The following BCL11B variants were observed in gnomAD, a reference collection of about 807,000 sequenced individuals.
The protein encoded by BCL11B is BCL11 transcription factor B.
In BCL11B, 8 loss-of-function variants were observed where a neutral mutation model predicts 49.9. That is an observed-to-expected ratio of 0.16 (90% CI 0.09 to 0.29). The LOEUF (loss-of-function observed/expected upper bound fraction) is 0.29, where lower values mean the gene tolerates loss of function less well. BCL11B is among the 10% of genes least tolerant of loss of function. The pLI, the probability that BCL11B is intolerant of heterozygous loss-of-function variation, is 1.00. For synonymous variants in BCL11B, 739 were observed against 637.4 expected, an observed-to-expected ratio of 1.16 and a Z score of -2.40; for missense variants, 1,006 against 1,351.0, an observed-to-expected ratio of 0.74 and a Z score of 4.00.
intron 3 of BCL11B, among the ~76,000 whole-genome samples, chr14:99,225,192 T>C (rs1888124396): frequency 6.6e-6 from 1 of 152,262 alleles, no homozygotes; most frequent in Admixed American, 6.5e-5. Context: ...AGAGGTAGTA[T>C]GGCCTAGTGG....
intron 3 of BCL11B, among the ~76,000 whole-genome samples, chr14:99,182,118 T>C (rs1418908878): frequency 6.6e-6 from 1 of 152,206 alleles, no homozygotes; most frequent in Non-Finnish European, 1.5e-5. Flanking sequence ...TCCAAATGTA[T>C]TCCGTGAAAC....
At chr14:99,267,957 C>G (rs528027965) in intron 1 of BCL11B, among the ~76,000 whole-genome samples, 3 of 152,316 alleles carry the variant, frequency 2.0e-5, no homozygotes, top group African/African-American at 7.2e-5. Flanking sequence ...TTTAAGTACT[C>G]TTCCCTTCAC....
intron 3 of BCL11B, among the ~76,000 whole-genome samples, chr14:99,215,642 G>GATT (rs1887812665): frequency 6.6e-6 from 1 of 152,198 alleles, no homozygotes; most frequent in Admixed American, 6.5e-5. Flanking sequence ...ACAGAACACT[G>GATT]ATTCCAGGTA....
chr14:99,267,918 C>T (rs1889533663), intron 1 of BCL11B, among the ~76,000 whole-genome samples: 1 of 152,178 alleles, frequency 6.6e-6, no homozygotes, highest in East Asian at 1.9e-4. Flanking sequence ...TCCTTGGTCT[C>T]TTCAGAAAGC....
intron 3 of BCL11B, among the ~76,000 whole-genome samples, chr14:99,226,028 G>A (rs986342568): frequency 1.1e-4 from 17 of 152,240 alleles, no homozygotes; most frequent in Non-Finnish European, 1.3e-4. Context: ...ACCTCAAGAA[G>A]CAGGCAGGTG....
intron 1 of BCL11B, among the ~76,000 whole-genome samples, chr14:99,258,352 G>A (rs1008473443): frequency 2.0e-5 from 3 of 152,186 alleles, no homozygotes; most frequent in East Asian, 1.9e-4. Context: ...AGCCAGGGCC[G>A]AGAACCAGTG....
intron 3 of BCL11B, among the ~76,000 whole-genome samples, chr14:99,229,372 C>T (rs1322313122): frequency 6.6e-6 from 1 of 152,178 alleles, no homozygotes; most frequent in Non-Finnish European, 1.5e-5. Flanking sequence ...CAGAGCCCCC[C>T]AGAGCCAAGG....
intron 1 of BCL11B, among the ~76,000 whole-genome samples, chr14:99,270,129 G>C (rs1215228682): frequency 6.6e-6 from 1 of 151,988 alleles, no homozygotes; most frequent in Non-Finnish European, 1.5e-5. Flanking sequence ...CAGGGACGGT[G>C]GAAGCTGCTG....
chr14:99,235,185 G>A (rs1003298140), intron 2 of BCL11B, among the ~76,000 whole-genome samples: 16 of 152,206 alleles, frequency 1.1e-4, no homozygotes, highest in African/African-American at 3.6e-4. Flanking sequence ...CCTCCCAAAT[G>A]GGAGGATTAC....
chr14:99,200,495 C>T (rs1184442295), intron 3 of BCL11B, among the ~76,000 whole-genome samples: 1 of 152,246 alleles, frequency 6.6e-6, no homozygotes, highest in African/African-American at 2.4e-5. Flanking sequence ...TGGAAGCCCT[C>T]CAACCACGAC....
intron 1 of BCL11B, 42 bp downstream of exon 1, chr14:99,271,119 G>T: frequency 6.6e-7 from 1 of 1,517,164 alleles, no homozygotes; most frequent in Non-Finnish European, 8.8e-7. Context: ...GACGCCCGGA[G>T]CCCCATCTCC....
intron 3 of BCL11B, among the ~76,000 whole-genome samples, chr14:99,217,606 C>A (rs1287485710): frequency 1.3e-5 from 2 of 152,320 alleles, no homozygotes; most frequent in East Asian, 1.9e-4. Flanking sequence ...CCAGGGGGAA[C>A]CCCCACCCCC....
rs1208048221 is a variant in BCL11B at position 99,169,335 on chromosome 14, GAACA to G, written c.*4812_*4815del. On this transcript the variant is annotated 3_prime_UTR_variant, in exon 4 of 4. Coordinates refer to ENST00000357195, the MANE Select transcript of BCL11B (RefSeq NM_138576.4). ...AATTTATTTTTATAACTTGAAACCAGAACAAACTTGGTTTTGAACAAGCGTACAA... is the reference window on the plus strand; with the variant it reads ...AATTTATTTTTATAACTTGAAACCAGAACTTGGTTTTGAACAAGCGTACAA... 1.6e-5 allele frequency: 3 copies of G among 190,686 alleles called. No individual in the cohort carries two copies. The highest frequency in any genetic ancestry group is 1.9e-4 in the South Asian group (1 of 5,182). 11.8% of individuals were successfully genotyped at this position (190,686 alleles called of 1,614,324 possible).
chr14:99,209,881 C>G (rs1007212145), intron 3 of BCL11B, among the ~76,000 whole-genome samples: 14 of 152,142 alleles, frequency 9.2e-5, no homozygotes, highest in African/African-American at 3.1e-4. Context: ...ACAGGGCAGC[C>G]ACTATCTCCA....
At chr14:99,200,392 A>G (rs1595240183) in intron 3 of BCL11B, among the ~76,000 whole-genome samples, 1 of 152,316 alleles carries the variant, frequency 6.6e-6, no homozygotes, top group Admixed American at 6.5e-5. Flanking sequence ...CAAGAAGCCA[A>G]TATCTATGGC....
At position 99,175,903 on chromosome 14, in the gene BCL11B, C is replaced by A. The variant is rs201912349; in HGVS notation, c.933G>T (p.Pro311=). 215 of 1,452,828 alleles carry A rather than the reference C, an allele frequency of 1.5e-4. 2 individuals carry two copies. The Middle Eastern group carries it at 2.0e-3, about 14-fold the overall frequency. 90.0% of individuals were successfully genotyped at this position (1,452,828 alleles called of 1,614,324 possible). ...GGGGACTGAAGAGAGGCGGCGTGCCCGGCAGGCGGCCCTCGCCGAAGCCCG... is the reference window on the plus strand; with the variant it reads ...GGGGACTGAAGAGAGGCGGCGTGCCAGGCAGGCGGCCCTCGCCGAAGCCCG... ...DHPGFGEGRL[P]GTPPLFSPPP... is the part of the protein sequence containing the mutation. The change falls in exon 4 of 4, where the codon CCG becomes CCT. Residue 311 remains proline (P), a synonymous_variant. Transcript: ENST00000357195.
At chr14:99,254,120 G>A (rs1211099287) in intron 2 of BCL11B, among the ~76,000 whole-genome samples, 4 of 152,238 alleles carry the variant, frequency 2.6e-5, no homozygotes, top group Non-Finnish European at 4.4e-5. Flanking sequence ...TCTGGGGGCT[G>A]TTTACCTGGG....
chr14:99,231,639 G>T lies in BCL11B; in HGVS notation c.428-82C>A. On this transcript the variant is annotated intron_variant, in intron 2 of 3. Transcript: ENST00000357195. The surrounding 1 kb of genome is among the most constrained non-coding windows in gnomAD (Gnocchi z 8.1). ...CACGGGGTGGGACGGGGCTCGGGGC[G>T]TGGGGCTCTGCTCAGGCCACCCTTC... 7.2e-7 allele frequency: 1 copy of T among 1,396,460 alleles called. No individual in the cohort carries two copies. The highest frequency in any genetic ancestry group is 9.8e-7 in the Non-Finnish European group (1 of 1,019,388). 86.5% of individuals were successfully genotyped at this position (1,396,460 alleles called of 1,614,324 possible).
At chr14:99,236,601 A>G (rs1888506284) in intron 2 of BCL11B, among the ~76,000 whole-genome samples, 1 of 152,070 alleles carries the variant, frequency 6.6e-6, no homozygotes, top group South Asian at 2.1e-4. Flanking sequence ...TGATGTCTAG[A>G]GGGCAGGGGA....
Sources: allele counts gnomAD v4.1 joint callset (sites outside exome capture counted in the v4.1 genomes callset), GRCh38; gene constraint gnomAD v4.1.1; non-coding constraint Gnocchi (gnomAD v3.1); transcripts MANE v1.5; gene names NCBI Gene and HGNC (gene_info 2026-07-23, HGNC 2026-07-21).